WDR19: variants seen among roughly 807,000 people sequenced by gnomAD.
WDR19 encodes WD repeat-containing protein 19.
Under a neutral mutation model 180.0 loss-of-function variants are expected in WDR19, and 121 were observed. The observed-to-expected ratio is 0.67, with a 90% CI of 0.58 to 0.78. The LOEUF is 0.78. WDR19 is among the 30% of genes least tolerant of loss of function. WDR19 has a pLI of 0.00. For synonymous variants in WDR19, 497 were observed against 540.7 expected (o/e 0.92, Z 1.12); for missense variants, 1,450 against 1,640.7 (o/e 0.88, Z 2.01).
intron 24 of WDR19, among the ~76,000 whole-genome samples, chr4:39,249,022 A>G (rs922237267): frequency 6.6e-6 from 1 of 152,076 alleles, no homozygotes; most frequent in Non-Finnish European, 1.5e-5. Flanking sequence ...CATCTACAGA[A>G]CTCTCCACCC....
At chr4:39,232,774 A>G (rs929170751) in intron 19 of WDR19, among the ~76,000 whole-genome samples, 1 of 152,002 alleles carries the variant, frequency 6.6e-6, no homozygotes, top group Admixed American at 6.6e-5. Context: ...AAAATTTCTC[A>G]GCACAGACAC....
At chr4:39,271,913 A>G (rs1158010984) in intron 31 of WDR19, among the ~76,000 whole-genome samples, 1 of 152,254 alleles carries the variant, frequency 6.6e-6, no homozygotes, top group Non-Finnish European at 1.5e-5. Context: ...CAGCTGATAA[A>G]CTACATTTTT....
Position 39,215,949 on chromosome 4 carries a change from G to A in WDR19, c.1070G>A (p.Cys357Tyr). The A allele has an allele frequency of 6.2e-7, 1 of 1,613,414 alleles. No individual in the cohort carries two copies. The highest frequency in any genetic ancestry group is 1.3e-5 in the African/African-American group (1 of 75,036). ...LTKLPILGDA[C>Y]STRIAYLTSL... ...AAGCTTCCCATACTTGGGGATGCCT[G>A]CAGCACAAGGATTGCCTATCTCACC... The change falls in exon 11 of 37, where the codon TGC (cysteine) becomes TAC (tyrosine). Residue 357 changes from cysteine (C) to tyrosine (Y), a missense_variant. Physicochemically the swap from Cys to Tyr is radical, Grantham distance 194. Transcript: ENST00000399820.
chr4:39,238,336 G>C (rs886463602), intron 20 of WDR19, among the ~76,000 whole-genome samples: 1 of 152,176 alleles, frequency 6.6e-6, no homozygotes, highest in African/African-American at 2.4e-5. Context: ...ACTTACTAAA[G>C]TCTGGGATTA....
At position 39,217,210 on chromosome 4, in the gene WDR19, AC is replaced by A; in HGVS notation, c.1327del (p.Leu443PhefsTer10). On this transcript the variant is annotated frameshift_variant, in exon 13 of 37. Coordinates refer to ENST00000399820, the MANE Select transcript of WDR19 (RefSeq NM_025132.4). LOFTEE classifies it high-confidence loss of function. ...ICLHSDYAAA[L>X]FEGKVQLHLI... is the part of the protein sequence containing the mutation. The stretch of plus-strand genomic sequence containing the variant: ...GCCTTCATTCTGACTATGCTGCTGC[AC>A]TTTTTGAAGGCAAAGTCCAGTTACA... 1 of 1,605,542 alleles carries A rather than the reference AC, an allele frequency of 6.2e-7. No individual in the cohort carries two copies. Among genetic ancestry groups the A allele is most frequent in the Non-Finnish European group, 8.5e-7 (1 of 1,175,962 alleles).
At chr4:39,276,576 TG>T (rs1361792216) in intron 33 of WDR19, among the ~76,000 whole-genome samples, 1 of 152,232 alleles carries the variant, frequency 6.6e-6, no homozygotes, top group African/African-American at 2.4e-5. Flanking sequence ...ATGTGGCTCA[TG>T]GCTACCATAT....
chr4:39,270,256 G>A (rs1488391025), intron 31 of WDR19, among the ~76,000 whole-genome samples, 156 bp downstream of exon 31: 1 of 152,194 alleles, frequency 6.6e-6, no homozygotes, highest in East Asian at 1.9e-4. Flanking sequence ...ACAATACGCT[G>A]CTTTGTGTGG....
intron 24 of WDR19, among the ~76,000 whole-genome samples, chr4:39,252,829 A>C (rs1372927823): frequency 1.3e-5 from 2 of 152,104 alleles, no homozygotes; most frequent in Non-Finnish European, 2.9e-5. Flanking sequence ...TTGTGAAAAA[A>C]ATCTACATTT....
intron 15 of WDR19, 26 bp from the exon 16 acceptor site, chr4:39,228,184 G>A (rs749955783): frequency 6.2e-6 from 10 of 1,608,754 alleles, no homozygotes; most frequent in East Asian, 2.2e-5. Flanking sequence ...CAGACTTGGG[G>A]CAAATCTGTA....
chr4:39,266,155 G>A lies in WDR19; in HGVS notation c.3261+15G>A. 6.5e-7 allele frequency: 1 copy of A among 1,536,490 alleles called. No individual in the cohort carries two copies. Among genetic ancestry groups the A allele is most frequent in the Non-Finnish European group, 8.8e-7 (1 of 1,136,934 alleles). On this transcript the variant is annotated intron_variant, in intron 29 of 36. Coordinates refer to ENST00000399820, the MANE Select transcript of WDR19 (RefSeq NM_025132.4). ...GCATGCCTAAGGTACTGAACACGTGGGCTTCGTGTGCATCCTCAGGTCTCA... is the reference window on the plus strand; with the variant it reads ...GCATGCCTAAGGTACTGAACACGTGAGCTTCGTGTGCATCCTCAGGTCTCA...
intron 3 of WDR19, among the ~76,000 whole-genome samples, chr4:39,188,976 G>A (rs1725869260): frequency 6.6e-6 from 1 of 151,770 alleles, no homozygotes; most frequent in South Asian, 2.1e-4. Context: ...AGGCTGGAGT[G>A]CAGTGGCGCG....
intron 14 of WDR19, chr4:39,219,198 A>G (rs2109335003): frequency 6.6e-6 from 1 of 152,342 alleles, no homozygotes; most frequent in South Asian, 2.1e-4. Context: ...ATCATCATCA[A>G]GTATTATGTA....
chr4:39,280,089 A>AT (rs999963688), intron 36 of WDR19, among the ~76,000 whole-genome samples: 2 of 75,820 alleles, frequency 2.6e-5, no homozygotes, highest in African/African-American at 4.2e-5. Context: ...ATTTGGAAGT[A>AT]TTTTTTTGTG....
In WDR19 at chr4:39,268,109, A is replaced by T; in HGVS notation, c.3358+18A>T. On this transcript the variant is annotated intron_variant, in intron 30 of 36. Coordinates refer to ENST00000399820, the MANE Select transcript of WDR19 (RefSeq NM_025132.4). ...GTCTGCAGGTAGGTCCGTGATACGT[A>T]TGTGTTACTTCCCAAGCAGGCAGCA... 12 of 1,551,372 alleles carry T rather than the reference A, an allele frequency of 7.7e-6. No individual in the cohort carries two copies. Among genetic ancestry groups the T allele is most frequent in the Non-Finnish European group, 1.0e-5 (12 of 1,142,890 alleles).
At chr4:39,238,401 G>C (rs560004528) in intron 20 of WDR19, among the ~76,000 whole-genome samples, 53 of 152,286 alleles carry the variant, frequency 3.5e-4, no homozygotes, top group African/African-American at 1.2e-3. Context: ...AAATAATCCA[G>C]TGAGCTAAAA....
intron 18 of WDR19, 99 bp from the exon 19 acceptor site, chr4:39,232,063 G>A (rs769343686): frequency 3.6e-5 from 55 of 1,507,062 alleles, no homozygotes; most frequent in African/African-American, 1.1e-4. Context: ...CAAGTGAATC[G>A]ATAGAACGTT....
intron 5 of WDR19, among the ~76,000 whole-genome samples, chr4:39,198,385 C>T (rs548543025): frequency 6.6e-6 from 1 of 150,834 alleles, no homozygotes. Context: ...GGTGAAACCC[C>T]ATCTCTACTA....
intron 24 of WDR19, among the ~76,000 whole-genome samples, chr4:39,252,107 C>G (rs1733262972): frequency 6.6e-6 from 1 of 151,218 alleles, no homozygotes; most frequent in African/African-American, 2.5e-5. Context: ...TGGAACCAAC[C>G]CAAATGTCCA....
chr4:39,207,405 G>T (rs781460828), intron 9 of WDR19, among the ~76,000 whole-genome samples: 1 of 152,132 alleles, frequency 6.6e-6, no homozygotes, highest in Non-Finnish European at 1.5e-5. Context: ...AGACATAAAC[G>T]TGCATATTGT....
Sources: gnomAD v4.1 joint callset for allele counts (sites outside exome capture counted in the v4.1 genomes callset) on GRCh38, gnomAD v4.1.1 for gene constraint, MANE v1.5 for transcripts, NCBI Gene and HGNC (gene_info 2026-07-23, HGNC 2026-07-21) for gene names.